The following ARHGAP24 variants were observed in gnomAD, a reference collection of about 807,000 sequenced individuals.
ARHGAP24 encodes the protein rho GTPase-activating protein 24.
Under a neutral mutation model 76.4 loss-of-function variants are expected in ARHGAP24, and 50 were observed. The ratio of observed to expected loss-of-function variants is 0.65; its 90% confidence interval spans 0.52 to 0.83. The LOEUF is 0.83. Ranked by LOEUF, ARHGAP24 falls within the 40% of genes least tolerant of loss-of-function variation. ARHGAP24 has a pLI of 0.00. For synonymous variants in ARHGAP24, 345 were observed against 323.3 expected (o/e 1.07, Z -0.72); for missense variants, 930 against 914.2 (o/e 1.02, Z -0.22).
chr4:85,696,899 G>T (rs1723886910), intron 2 of ARHGAP24, among the ~76,000 whole-genome samples: 1 of 152,070 alleles, frequency 6.6e-6, no homozygotes, highest in South Asian at 2.1e-4. Context: ...GCCCTGTCTT[G>T]TCAGTGGAAA....
chr4:85,617,875 A>T (rs1182094671), intron 2 of ARHGAP24, among the ~76,000 whole-genome samples: 1 of 152,162 alleles, frequency 6.6e-6, no homozygotes, highest in Non-Finnish European at 1.5e-5. Flanking sequence ...CAAAAATTCT[A>T]TATTTTATAC....
intron 2 of ARHGAP24, among the ~76,000 whole-genome samples, chr4:85,668,546 G>GAAGAAGAAGAAGAAACCTTTA (rs1722717682): frequency 6.6e-6 from 1 of 152,198 alleles, no homozygotes; most frequent in African/African-American, 2.4e-5. Flanking sequence ...GAGGCTAGTG[G>GAAGAAGAAGAAGAAACCTTTA]CATCTTAGTA....
intron 2 of ARHGAP24, among the ~76,000 whole-genome samples, chr4:85,631,431 C>T (rs1248557459): frequency 1.3e-5 from 2 of 152,022 alleles, no homozygotes; most frequent in Non-Finnish European, 2.9e-5. Context: ...GGAAACTTTT[C>T]CAATTACTCT....
chr4:85,741,145 C>T (rs1471756501), intron 3 of ARHGAP24, among the ~76,000 whole-genome samples: 3 of 152,156 alleles, frequency 2.0e-5, no homozygotes, highest in African/African-American at 7.2e-5. Flanking sequence ...AAAATCTAAA[C>T]AAACCAAGAC....
chr4:85,881,119 A>C (rs145246165), intron 3 of ARHGAP24, among the ~76,000 whole-genome samples: 2 of 152,188 alleles, frequency 1.3e-5, no homozygotes, highest in East Asian at 3.9e-4. Flanking sequence ...GCAACAATCT[A>C]TCTGCTAACC....
chr4:85,584,079 A>G (rs909450109), intron 2 of ARHGAP24, among the ~76,000 whole-genome samples: 4 of 149,986 alleles, frequency 2.7e-5, no homozygotes, highest in Admixed American at 6.6e-5. Context: ...TGACCCAGCC[A>G]TCCCATTACT....
At chr4:85,685,988 C>G (rs1469269409) in intron 2 of ARHGAP24, among the ~76,000 whole-genome samples, 1 of 152,182 alleles carries the variant, frequency 6.6e-6, no homozygotes, top group Non-Finnish European at 1.5e-5. Flanking sequence ...ACTCACAGGT[C>G]TGGCACTTTG....
At chr4:85,655,840 G>GAGAGAC (rs1722149565) in intron 2 of ARHGAP24, among the ~76,000 whole-genome samples, 1 of 121,030 alleles carries the variant, frequency 8.3e-6, no homozygotes, top group African/African-American at 3.2e-5. Context: ...GAGAGAGAGA[G>GAGAGAC]AGAGACAGAG....
chr4:85,729,721 A>G (rs1243763192), intron 3 of ARHGAP24, among the ~76,000 whole-genome samples: 1 of 152,228 alleles, frequency 6.6e-6, no homozygotes, highest in East Asian at 1.9e-4. Flanking sequence ...CATGGTAGCG[A>G]AAACAAATGG....
At chr4:85,501,639 A>G (rs1723820363) in intron 1 of ARHGAP24, among the ~76,000 whole-genome samples, 1 of 152,170 alleles carries the variant, frequency 6.6e-6, no homozygotes, top group African/African-American at 2.4e-5. Flanking sequence ...TCAGATGGGT[A>G]GATTGCAAAA....
chr4:85,675,595 C>A (rs547683323), intron 2 of ARHGAP24, among the ~76,000 whole-genome samples: 2 of 152,096 alleles, frequency 1.3e-5, no homozygotes, highest in African/African-American at 2.4e-5. Context: ...TGGTGAGATC[C>A]GCCTTCCCAA....
chr4:85,635,275 CT>C (rs35767532), intron 2 of ARHGAP24, among the ~76,000 whole-genome samples: 25,857 of 150,904 alleles, frequency 0.17, 2,264 homozygotes, highest in South Asian at 0.2. Flanking sequence ...TAGTTACCCA[CT>C]TTTTTTTTAA....
intron 2 of ARHGAP24, among the ~76,000 whole-genome samples, chr4:85,599,457 G>T (rs903949522): frequency 6.6e-6 from 1 of 152,144 alleles, no homozygotes; most frequent in East Asian, 1.9e-4. Flanking sequence ...CTACATAAAG[G>T]TTCCATAGAG....
intron 2 of ARHGAP24, 51 bp from the exon 3 acceptor site, chr4:85,721,834 A>G (rs1724954051): frequency 1.4e-6 from 2 of 1,450,202 alleles, no homozygotes; most frequent in South Asian, 1.1e-5. Flanking sequence ...ATGATGATAT[A>G]TGATGTTTGC....
At chr4:85,838,171 G>C (rs1026789969) in intron 3 of ARHGAP24, among the ~76,000 whole-genome samples, 5 of 152,218 alleles carry the variant, frequency 3.3e-5, no homozygotes, top group African/African-American at 1.2e-4. Context: ...TGAGGAAGTT[G>C]AGACACAGGT....
chr4:85,844,585 C>T (rs75124248), intron 3 of ARHGAP24, among the ~76,000 whole-genome samples: 2 of 152,032 alleles, frequency 1.3e-5, no homozygotes, highest in African/African-American at 2.4e-5. Context: ...AAAAAATGAT[C>T]GAGATTTGTA....
intron 2 of ARHGAP24, among the ~76,000 whole-genome samples, chr4:85,604,914 A>G (rs1347491543): frequency 6.6e-6 from 1 of 152,044 alleles, no homozygotes; most frequent in Non-Finnish European, 1.5e-5. Context: ...GGGTTTCACC[A>G]TGTTGGTCAG....
intron 8 of ARHGAP24, among the ~76,000 whole-genome samples, chr4:85,982,071 G>A (rs1421365945): frequency 6.6e-6 from 1 of 151,530 alleles, no homozygotes; most frequent in Non-Finnish European, 1.5e-5. Context: ...CTGTCAGCTA[G>A]TTTTTTGGAA....
chr4:85,880,370 C>A (rs1733176190), intron 3 of ARHGAP24, among the ~76,000 whole-genome samples: 1 of 152,174 alleles, frequency 6.6e-6, no homozygotes, highest in South Asian at 2.1e-4. Context: ...CCATCCCTTA[C>A]TTGCAGTAAG....
Sources: gnomAD v4.1 joint callset for allele counts (sites outside exome capture counted in the v4.1 genomes callset) on GRCh38, gnomAD v4.1.1 for gene constraint, MANE v1.5 for transcripts, NCBI Gene and HGNC (gene_info 2026-07-23, HGNC 2026-07-21) for gene names.